VPS39: variants seen among roughly 807,000 people sequenced by gnomAD.
VPS39 encodes the protein vam6/Vps39-like protein.
Under a neutral mutation model 121.0 loss-of-function variants are expected in VPS39, and 70 were observed. That is an observed-to-expected ratio of 0.58 (90% confidence interval 0.48 to 0.71). VPS39 has a LOEUF of 0.71. Among genes scored for constraint, VPS39 ranks in the 30% least tolerant of loss-of-function variants. VPS39 has a pLI of 0.00. For synonymous variants in VPS39, 378 were observed against 398.1 expected, an observed-to-expected ratio of 0.95 and a Z score of 0.60; for missense variants, 818 against 1,051.5, an observed-to-expected ratio of 0.78 and a Z score of 3.07.
At position 42,166,202 on chromosome 15, in the gene VPS39, T is replaced by C. The variant is rs771675773; in HGVS notation, c.1637A>G (p.Tyr546Cys). The change falls in exon 16 of 25, where the codon TAC (tyrosine) becomes TGC (cysteine). Residue 546 changes from tyrosine to cysteine, a missense_variant. By Grantham distance (194) the Tyr-to-Cys change is radical. Coordinates refer to ENST00000318006, the MANE Select transcript of VPS39 (RefSeq NM_015289.5). ...GAAGTCTCTCAGCACCCACACTGAGTAGGAGAAAATCAAATGCAGGTTTTC... is the reference window on the plus strand; with the variant it reads ...GAAGTCTCTCAGCACCCACACTGAGCAGGAGAAAATCAAATGCAGGTTTTC... Reference protein sequence around the residue: ...GTENLHLIFSYSVWVLRDFPE... With the variant: ...GTENLHLIFSCSVWVLRDFPE... 6.2e-7 allele frequency: 1 copy of C among 1,614,124 alleles called. No individual in the cohort carries two copies. The highest frequency in any genetic ancestry group is 8.5e-7 in the Non-Finnish European group (1 of 1,180,008).
chr15:42,167,887 T>G (rs932814944), intron 12 of VPS39, among the ~76,000 whole-genome samples: 1 of 152,224 alleles, frequency 6.6e-6, no homozygotes, highest in African/African-American at 2.4e-5. Flanking sequence ...CCAAAGCCCA[T>G]GTTCTTTTAT....
chr15:42,177,222 A>T (rs2049472576), intron 10 of VPS39, among the ~76,000 whole-genome samples: 1 of 151,934 alleles, frequency 6.6e-6, no homozygotes. Flanking sequence ...TAAAGTAGCA[A>T]TATCTGGTTT....
In VPS39 at chr15:42,189,101, T is replaced by C. The variant is rs1490426205; in HGVS notation, c.342+13A>G. ...TAAAGCATAAAGCCAAATTTCATCT[T>C]GGGTAAACTTACCTGGAGGTCACAA... On this transcript the variant is annotated intron_variant, in intron 5 of 24. Coordinates refer to ENST00000318006, the MANE Select transcript of VPS39 (RefSeq NM_015289.5). The C allele has an allele frequency of 7.5e-6, 12 of 1,606,068 alleles. No homozygotes were observed. The Admixed American group carries it at 1.8e-4, about 25-fold the overall frequency.
rs761757502 is a variant in VPS39, at chr15:42,184,527, T to C, written c.708A>G (p.Pro236=). ...TACTGTTGGTCTCACCCATGGCCACTGGTATGTCCGTCCAGTTCAGGGCAC... is the reference window on the plus strand; with the variant it reads ...TACTGTTGGTCTCACCCATGGCCACCGGTATGTCCGTCCAGTTCAGGGCAC... ...QKCALNWTDI[P]VAMEHQPPYI... The change falls in exon 8 of 25, where the codon CCA becomes CCG. Residue 236 remains proline (P), a synonymous_variant. Coordinates refer to ENST00000318006, the MANE Select transcript of VPS39 (RefSeq NM_015289.5). 5 of 1,605,604 alleles carry C rather than the reference T, an allele frequency of 3.1e-6. No homozygotes were observed. Among genetic ancestry groups the C allele is most frequent in the Admixed American group, 3.4e-5 (2 of 58,154 alleles).
At chr15:42,189,693 C>T (rs1269836885) in intron 4 of VPS39, among the ~76,000 whole-genome samples, 2 of 140,686 alleles carry the variant, frequency 1.4e-5, no homozygotes, top group Non-Finnish European at 3.0e-5. Flanking sequence ...TGCACCACTA[C>T]ACTCCAGCCT....
chr15:42,199,965 GA>G lies in VPS39; in HGVS notation c.74-5del. The G allele has an allele frequency of 1.3e-6, 2 of 1,546,596 alleles. No homozygotes were observed. Among genetic ancestry groups the G allele is most frequent in the Admixed American group, 2.2e-5 (1 of 45,480 alleles). On this transcript the variant is annotated splice_polypyrimidine_tract_variant and splice_region_variant and intron_variant, in intron 1 of 24. Transcript: ENST00000318006. ...GTTCCCACAAGAAGCCATTCCTCTG[GA>G]AAAACAAAACAAAACAAAAACAAAA...
intron 2 of VPS39, chr15:42,199,599 T>A (rs1187692244): frequency 4.2e-6 from 2 of 474,212 alleles, no homozygotes; most frequent in Non-Finnish European, 8.3e-6. Flanking sequence ...TGGTAGTGAG[T>A]CTCAAAGAAA....
At chr15:42,187,725 A>C in intron 6 of VPS39, 33 bp downstream of exon 6, 2 of 1,606,964 alleles carry the variant, frequency 1.2e-6, no homozygotes, top group South Asian at 2.2e-5. Flanking sequence ...AGCAGCTCCC[A>C]CCCAACCATG....
Position 42,162,150 on chromosome 15 carries a change from G to A in VPS39, c.2342C>T (p.Pro781Leu). The change falls in exon 23 of 25, where the codon CCA becomes CTA. Residue 781 changes from proline (P) to leucine (L), a missense_variant. Transcript: ENST00000318006. Reference protein sequence around the residue: ...LDTTKALNLLPANTQINDIRI... With the variant: ...LDTTKALNLLLANTQINDIRI... ...TATGTCATTGATCTGAGTGTTTGCTGGCAGAAGGTTGAGGGCCTAGGGACA... is the reference window on the plus strand; with the variant it reads ...TATGTCATTGATCTGAGTGTTTGCTAGCAGAAGGTTGAGGGCCTAGGGACA... The A allele has an allele frequency of 2.5e-6, 4 of 1,614,200 alleles. No individual in the cohort carries two copies. The highest frequency in any genetic ancestry group is 3.4e-6 in the Non-Finnish European group (4 of 1,180,040).
chr15:42,186,333 T>G (rs1193757977), intron 7 of VPS39, among the ~76,000 whole-genome samples: 2 of 150,924 alleles, frequency 1.3e-5, no homozygotes, highest in Non-Finnish European at 2.9e-5. Flanking sequence ...CTGGGCTACC[T>G]GGGAGGCTGA....
At chr15:42,192,202 A>G in intron 2 of VPS39, 2 of 1,090,256 alleles carry the variant, frequency 1.8e-6, no homozygotes, top group Admixed American at 2.0e-5. Flanking sequence ...CCAATGAGTC[A>G]AAAAGAGAAT....
At chr15:42,192,156 G>A in intron 2 of VPS39, 1 of 1,522,684 alleles carries the variant, frequency 6.6e-7, no homozygotes, top group South Asian at 1.2e-5. Flanking sequence ...ATTCAGCCTT[G>A]CTGGGGATGA....
At chr15:42,177,116 C>T (rs1566897688) in intron 10 of VPS39, among the ~76,000 whole-genome samples, 1 of 137,638 alleles carries the variant, frequency 7.3e-6, no homozygotes, top group East Asian at 2.2e-4. Flanking sequence ...TGAGCCAAGA[C>T]TGCATCACTG....
intron 11 of VPS39, among the ~76,000 whole-genome samples, chr15:42,172,146 G>A (rs915758643): frequency 1.3e-5 from 2 of 152,174 alleles, no homozygotes; most frequent in African/African-American, 2.4e-5. Context: ...CCTTGAACCT[G>A]GCAGGACCCT....
chr15:42,203,831 G>C (rs1248809514), intron 1 of VPS39, among the ~76,000 whole-genome samples: 1 of 152,206 alleles, frequency 6.6e-6, no homozygotes. Flanking sequence ...AGCTGTGCAT[G>C]CACAACACAG....
In VPS39 at chr15:42,162,623, T is replaced by C. The variant is rs1328400879; in HGVS notation, c.2176-142A>G. On this transcript the variant is annotated intron_variant, in intron 21 of 24. Coordinates refer to ENST00000318006, the MANE Select transcript of VPS39 (RefSeq NM_015289.5). ...TGTAAAACTGGTCATTTTCACCTTG[T>C]AAATTGGTAAGGTCAAACAGGCAAC... The C allele has an allele frequency of 3.9e-6, 4 of 1,013,912 alleles. No homozygotes were observed. The African/African-American group carries it at 6.6e-5, about 17-fold the overall frequency. The allele number at this position is 1,013,912 out of a possible 1,614,324, so 62.8% of individuals were successfully genotyped here.
intron 15 of VPS39, 47 bp downstream of exon 15, chr15:42,166,515 TC>T (rs1445678607): frequency 6.3e-7 from 1 of 1,593,856 alleles, no homozygotes; most frequent in Non-Finnish European, 8.6e-7. Context: ...GGAGACCAGG[TC>T]ATTTGAACAG....
At chr15:42,183,443 T>G (rs2049630736) in intron 8 of VPS39, among the ~76,000 whole-genome samples, 1 of 152,152 alleles carries the variant, frequency 6.6e-6, no homozygotes, top group African/African-American at 2.4e-5. Flanking sequence ...CATTCAGGAA[T>G]CTACTGGCCT....
At chr15:42,204,831 T>C (rs1181229329) in intron 1 of VPS39, among the ~76,000 whole-genome samples, 1 of 152,194 alleles carries the variant, frequency 6.6e-6, no homozygotes, top group African/African-American at 2.4e-5. Flanking sequence ...TTGACTTATC[T>C]TTCCATTGTT....
Sources: gnomAD v4.1 joint callset for allele counts (sites outside exome capture counted in the v4.1 genomes callset) on GRCh38, gnomAD v4.1.1 for gene constraint, MANE v1.5 for transcripts, NCBI Gene and HGNC (gene_info 2026-07-23, HGNC 2026-07-21) for gene names.